The following CCDC138 variants were observed in gnomAD, a reference collection of about 807,000 sequenced individuals.
CCDC138 encodes the protein coiled-coil domain containing 138.
CCDC138 carries 66 observed loss-of-function variants against 82.3 expected under a neutral mutation model. The ratio of observed to expected loss-of-function variants is 0.80; its 90% confidence interval spans 0.66 to 0.98. CCDC138 has a LOEUF of 0.98. Among genes scored for constraint, CCDC138 ranks in the 50% least tolerant of loss-of-function variants. The pLI is 0.00. For missense variants in CCDC138, 816 were observed against 758.9 expected, an observed-to-expected ratio of 1.08 and a Z score of -0.88; for synonymous variants, 297 against 265.4, an observed-to-expected ratio of 1.12 and a Z score of -1.16.
At chr2:108,845,330 A>G (rs1056332257) in intron 11 of CCDC138, among the ~76,000 whole-genome samples, 2 of 152,168 alleles carry the variant, frequency 1.3e-5, no homozygotes, top group Admixed American at 6.5e-5. Context: ...AAACCTCAAT[A>G]GATTTGTTTT....
chr2:108,825,491 G>T (rs1451803633), intron 10 of CCDC138, among the ~76,000 whole-genome samples: 1 of 151,596 alleles, frequency 6.6e-6, no homozygotes, highest in East Asian at 1.9e-4. Flanking sequence ...TCCAGTCCTA[G>T]GCAACCACTA....
chr2:108,794,707 C>T lies in CCDC138; in HGVS notation c.562C>T (p.His188Tyr), dbSNP rs530953458. ...SQIYDELFQI[H>Y]LKLQCETAAQ... ...GATATATGACGAATTATTTCAGATACATCTGAAATTGCAGGTAAGAACTAA... is the reference window on the plus strand; with the variant it reads ...GATATATGACGAATTATTTCAGATATATCTGAAATTGCAGGTAAGAACTAA... The change falls in exon 5 of 15, where the codon CAT (histidine) becomes TAT (tyrosine). Residue 188 changes from histidine to tyrosine, a missense_variant. His to Tyr is a moderately conservative substitution (Grantham distance 83). Coordinates refer to ENST00000295124, the MANE Select transcript of CCDC138 (RefSeq NM_144978.3). 4 of 1,602,070 alleles carry T rather than the reference C, an allele frequency of 2.5e-6. No homozygotes were observed. Among genetic ancestry groups the T allele is most frequent in the South Asian group, 2.2e-5 (2 of 90,642 alleles).
At chr2:108,812,045 A>G (rs57080351) in intron 7 of CCDC138, among the ~76,000 whole-genome samples, 33 of 152,312 alleles carry the variant, frequency 2.2e-4, no homozygotes, top group African/African-American at 7.7e-4. Context: ...TAAAAAAATA[A>G]TTGGATACCC....
intron 12 of CCDC138, among the ~76,000 whole-genome samples, chr2:108,852,620 A>G (rs2104452593): frequency 6.6e-6 from 1 of 152,334 alleles, no homozygotes; most frequent in South Asian, 2.1e-4. Context: ...ATGGACTTGG[A>G]GGCCGTTATC....
intron 10 of CCDC138, among the ~76,000 whole-genome samples, chr2:108,819,412 C>T (rs1685292810): frequency 6.6e-6 from 1 of 152,194 alleles, no homozygotes; most frequent in African/African-American, 2.4e-5. Context: ...GACTGGTCTG[C>T]ATCTCACCTC....
At chr2:108,787,570 A>T (rs1249930616) in intron 1 of CCDC138, among the ~76,000 whole-genome samples, 1 of 152,204 alleles carries the variant, frequency 6.6e-6, no homozygotes, top group Non-Finnish European at 1.5e-5. Flanking sequence ...AAATTTCAGC[A>T]ATTATCTCGA....
chr2:108,850,555 G>A (rs554816078), intron 12 of CCDC138, among the ~76,000 whole-genome samples: 4 of 152,060 alleles, frequency 2.6e-5, no homozygotes, highest in African/African-American at 7.2e-5. Flanking sequence ...AGGTTCAAGC[G>A]ATTCTCCTGC....
At position 108,840,298 on chromosome 2, in the gene CCDC138, A is replaced by G. The variant is rs190541906; in HGVS notation, c.1323+997A>G. ...CTATATTCATGAGAAATATTTGTCT[A>G]TAGTTTTGAACTCTCTTTGGTTTTG... On this transcript the variant is annotated intron_variant, in intron 11 of 14. Coordinates refer to ENST00000295124, the MANE Select transcript of CCDC138 (RefSeq NM_144978.3). Among the ~76,000 whole-genome samples the G allele has an allele frequency of 2.9e-3, 446 of 152,204 alleles. 1 individual carries two copies. The highest frequency in any genetic ancestry group is 3.0e-3 in the Non-Finnish European group (203 of 67,972).
rs1280227155 is a variant in CCDC138, at chr2:108,876,378, T to C, written c.*125T>C. The C allele has an allele frequency of 1.8e-6, 1 of 559,690 alleles. No homozygotes were observed. Among genetic ancestry groups the C allele is most frequent in the South Asian group, 4.5e-5 (1 of 22,370 alleles). 34.7% of individuals were successfully genotyped at this position (559,690 alleles called of 1,614,324 possible). A position where few individuals can be genotyped will look rare whatever the true frequency, so the allele number is the denominator to read the frequency against. Reference sequence around the variant, plus strand: ...ATCATTTATCATGAAAAATAAATAATTTTTTTGAACTGTAAAAATGAAATC... The same window carrying C: ...ATCATTTATCATGAAAAATAAATAACTTTTTTGAACTGTAAAAATGAAATC... On this transcript the variant is annotated 3_prime_UTR_variant, in exon 15 of 15. Transcript: ENST00000295124.
Position 108,849,486 on chromosome 2 carries a change from C to T in CCDC138, c.1516+2556C>T, listed in dbSNP as rs149888632. Among the ~76,000 whole-genome samples, 158 of 152,206 alleles carry T rather than the reference C, an allele frequency of 1.0e-3. 1 individual carries two copies. The highest frequency in any genetic ancestry group is 1.7e-3 in the Non-Finnish European group (113 of 68,012). On this transcript the variant is annotated intron_variant, in intron 12 of 14. Transcript: ENST00000295124. ...GAATACTGCCTCCCATGGTGACTCT[C>T]CATGACCTTTTCAGTGGCTTCATCA...
intron 2 of CCDC138, 151 bp downstream of exon 2, chr2:108,788,240 G>A (rs1679253325): frequency 1.4e-6 from 1 of 704,442 alleles, no homozygotes; most frequent in South Asian, 2.1e-5. Flanking sequence ...CCAACATAGT[G>A]AAATCCCGTC....
chr2:108,815,913 A>T, intron 9 of CCDC138, 28 bp from the exon 10 acceptor site: 3 of 1,569,672 alleles, frequency 1.9e-6, no homozygotes. Context: ...TGTGAACTGA[A>T]ATAAATGATT....
intron 12 of CCDC138, among the ~76,000 whole-genome samples, chr2:108,856,112 G>C (rs560108521): frequency 4.7e-4 from 71 of 152,274 alleles, no homozygotes; most frequent in African/African-American, 1.7e-3. Flanking sequence ...CAATGATTCT[G>C]CTTAAATTAG....
intron 11 of CCDC138, among the ~76,000 whole-genome samples, chr2:108,839,566 C>T (rs1005549310): frequency 1.3e-5 from 2 of 152,028 alleles, no homozygotes; most frequent in Non-Finnish European, 2.9e-5. Flanking sequence ...ATCAGTGTTG[C>T]ATAGTTTTCA....
intron 12 of CCDC138, among the ~76,000 whole-genome samples, chr2:108,848,449 A>G (rs555143770): frequency 6.6e-6 from 1 of 152,220 alleles, no homozygotes; most frequent in Non-Finnish European, 1.5e-5. Context: ...ATAACAGGGC[A>G]TAAGAATATG....
chr2:108,796,012 G>T (rs774102541), intron 5 of CCDC138, among the ~76,000 whole-genome samples: 5 of 152,058 alleles, frequency 3.3e-5, no homozygotes, highest in Non-Finnish European at 5.9e-5. Context: ...GAAGTGCAAT[G>T]GATTAACTGG....
intron 9 of CCDC138, among the ~76,000 whole-genome samples, chr2:108,813,882 G>T (rs183360710): frequency 6.6e-6 from 1 of 152,160 alleles, no homozygotes; most frequent in African/African-American, 2.4e-5. Flanking sequence ...ACTTGTTTGT[G>T]TAAGGCTTTT....
chr2:108,863,901 G>C (rs1372276120), intron 13 of CCDC138, among the ~76,000 whole-genome samples: 1 of 152,166 alleles, frequency 6.6e-6, no homozygotes, highest in Non-Finnish European at 1.5e-5. Flanking sequence ...CCATATATTT[G>C]CTACTGGTCT....
At chr2:108,855,934 A>T (rs914209755) in intron 12 of CCDC138, among the ~76,000 whole-genome samples, 2 of 152,184 alleles carry the variant, frequency 1.3e-5, no homozygotes, top group Admixed American at 6.5e-5. Flanking sequence ...TATTACTTGG[A>T]TAGCATGAAC....
Sources: allele counts gnomAD v4.1 joint callset (sites outside exome capture counted in the v4.1 genomes callset), GRCh38; gene constraint gnomAD v4.1.1; transcripts MANE v1.5; gene names NCBI Gene and HGNC (gene_info 2026-07-23, HGNC 2026-07-21).